The following ZNF385D variants were observed in gnomAD, a reference collection of about 807,000 sequenced individuals.
The protein encoded by ZNF385D is zinc finger protein 385D, also known as zinc finger protein 659.
ZNF385D carries 15 observed loss-of-function variants against 35.8 expected under a neutral mutation model. The ratio of observed to expected loss-of-function variants is 0.42; its 90% CI spans 0.28 to 0.64. ZNF385D has a LOEUF of 0.64. ZNF385D is among the 30% of genes least tolerant of loss of function. The pLI is 0.23. For missense variants in ZNF385D, 474 were observed against 494.6 expected, an observed-to-expected ratio of 0.96 and a Z score of 0.39; for synonymous variants, 212 against 186.8, an observed-to-expected ratio of 1.13 and a Z score of -1.10.
At chr3:22,102,909 C>CAAA (rs757822283) in intron 3 of ZNF385D, among the ~76,000 whole-genome samples, 23,913 of 142,978 alleles carry the variant, frequency 0.17, 2,592 homozygotes, top group African/African-American at 0.31. Flanking sequence ...AAAAAAAAAC[C>CAAA]AACAAGTTCT....
intron 2 of ZNF385D, among the ~76,000 whole-genome samples, chr3:22,284,736 A>T (rs1701939384): frequency 6.6e-6 from 1 of 152,110 alleles, no homozygotes; most frequent in Non-Finnish European, 1.5e-5. Context: ...TTATTCAATG[A>T]ATCATTCATT....
intron 4 of ZNF385D, among the ~76,000 whole-genome samples, chr3:21,491,984 A>T (rs1705460825): frequency 6.6e-6 from 1 of 152,100 alleles, no homozygotes; most frequent in South Asian, 2.1e-4. Context: ...GCTTTCATTA[A>T]ATTACAACAT....
intron 3 of ZNF385D, among the ~76,000 whole-genome samples, chr3:22,015,286 TA>T (rs1696815728): frequency 6.6e-6 from 1 of 152,160 alleles, no homozygotes; most frequent in Non-Finnish European, 1.5e-5. Flanking sequence ...TGATAACAGC[TA>T]AATAGATTGC....
At chr3:21,660,052 C>T (rs2066189884) in intron 2 of ZNF385D, among the ~76,000 whole-genome samples, 1 of 152,082 alleles carries the variant, frequency 6.6e-6, no homozygotes, top group Admixed American at 6.6e-5. Context: ...AAGTTTCCAG[C>T]AGTTGGTCCT....
intron 2 of ZNF385D, among the ~76,000 whole-genome samples, chr3:22,230,120 C>T (rs1455197075): frequency 3.3e-5 from 5 of 152,136 alleles, no homozygotes; most frequent in Non-Finnish European, 1.5e-5. Flanking sequence ...CCAGAGGATT[C>T]ACCACTAGGA....
chr3:21,883,864 G>T (rs542529043), intron 3 of ZNF385D, among the ~76,000 whole-genome samples: 1 of 151,912 alleles, frequency 6.6e-6, no homozygotes, highest in Non-Finnish European at 1.5e-5. Flanking sequence ...CAGAACAATC[G>T]GTCTGAGACT....
In ZNF385D at chr3:21,550,363, ACTC is replaced by A. The variant is rs1457451582; in HGVS notation, c.276+14208_276+14210del. Among the ~76,000 whole-genome samples, 8 of 152,136 alleles carry A rather than the reference ACTC, an allele frequency of 5.3e-5. 1 individual carries two copies. ...ATTTGGTTACTAGGGAGGAAAAAATACTCCTATCAACATCATCATTATATTGAC... is the reference window on the plus strand; with the variant it reads ...ATTTGGTTACTAGGGAGGAAAAAATACTATCAACATCATCATTATATTGAC... On this transcript the variant is annotated intron_variant, in intron 3 of 7. Coordinates refer to ENST00000281523, the MANE Select transcript of ZNF385D (RefSeq NM_024697.3).
Position 22,048,886 on chromosome 3 carries a change from T to C in ZNF385D, c.325+119931A>G, listed in dbSNP as rs937962427. Among the ~76,000 whole-genome samples, 11 of 152,338 alleles carry C rather than the reference T, an allele frequency of 7.2e-5. No homozygotes were observed. In the East Asian group the frequency reaches 1.9e-3, roughly 27 times the overall value. On this transcript the variant is annotated intron_variant, in intron 3 of 5. Coordinates refer to the ZNF385D transcript ENST00000494108. ...TCTTTCAATTCATGAACATGGAATA[T>C]CTTTTCATTTGTCTGTATCTTGTTG... is the stretch of plus-strand genomic sequence containing the variant.
At chr3:21,955,484 A>AAG (rs1702242174) in intron 3 of ZNF385D, among the ~76,000 whole-genome samples, 1 of 152,114 alleles carries the variant, frequency 6.6e-6, no homozygotes, top group African/African-American at 2.4e-5. Flanking sequence ...TGATTTCTTA[A>AAG]GCTTCTGATG....
intron 2 of ZNF385D, among the ~76,000 whole-genome samples, chr3:22,201,544 G>A (rs189256487): frequency 6.6e-6 from 1 of 151,888 alleles, no homozygotes; most frequent in African/African-American, 2.4e-5. Flanking sequence ...AAGAAGTTAG[G>A]TTTTCTAATA....
intron 2 of ZNF385D, among the ~76,000 whole-genome samples, chr3:21,604,672 A>AACTT (rs2064422451): frequency 6.6e-6 from 1 of 152,144 alleles, no homozygotes; most frequent in Non-Finnish European, 1.5e-5. Context: ...TGAGCAGATG[A>AACTT]ACTTAGAGAA....
intron 3 of ZNF385D, among the ~76,000 whole-genome samples, chr3:21,819,532 T>G (rs2073300054): frequency 6.6e-6 from 1 of 150,378 alleles, no homozygotes; most frequent in Non-Finnish European, 1.5e-5. Flanking sequence ...ATGTTCTAAA[T>G]AATAATAGTC....
At chr3:21,489,548 C>T (rs1705264180) in intron 4 of ZNF385D, among the ~76,000 whole-genome samples, 1 of 152,126 alleles carries the variant, frequency 6.6e-6, no homozygotes, top group Non-Finnish European at 1.5e-5. Flanking sequence ...CATTCTTTAA[C>T]TTCCCAGATG....
intron 2 of ZNF385D, among the ~76,000 whole-genome samples, chr3:22,335,087 T>A (rs1186232481): frequency 6.6e-6 from 1 of 152,156 alleles, no homozygotes; most frequent in African/African-American, 2.4e-5. Context: ...TTTCATTGAG[T>A]ATTATATTTT....
chr3:21,969,290 G>A (rs756593112), intron 3 of ZNF385D, among the ~76,000 whole-genome samples: 1 of 152,198 alleles, frequency 6.6e-6, no homozygotes, highest in East Asian at 1.9e-4. Flanking sequence ...CGTGTTAAGG[G>A]AAAGACCAGG....
At chr3:21,880,670 T>C (rs1163539796) in intron 3 of ZNF385D, among the ~76,000 whole-genome samples, 3 of 152,004 alleles carry the variant, frequency 2.0e-5, no homozygotes, top group African/African-American at 7.2e-5. Flanking sequence ...TGCACATTTC[T>C]CACGTTAAGT....
At position 21,751,096 on chromosome 3, in the gene ZNF385D, G is replaced by A. The variant is rs1193184790; in HGVS notation, c.-180C>T. 5.8e-5 allele frequency: 86 copies of A among 1,486,212 alleles called. No individual in the cohort carries two copies. The highest frequency in any genetic ancestry group is 7.4e-5 in the Non-Finnish European group (83 of 1,117,262). 92.1% of individuals were successfully genotyped at this position (1,486,212 alleles called of 1,614,324 possible). ...AGCGCCTTGCAGGCTGCCTTTCCAG[G>A]GCTAAGATCCCCGGCGGCTGGAGAG... is the stretch of plus-strand genomic sequence containing the variant. On this transcript the variant is annotated 5_prime_UTR_variant, in exon 1 of 8. Transcript: ENST00000281523.
At chr3:21,730,461 A>G (rs1032163579) in intron 1 of ZNF385D, among the ~76,000 whole-genome samples, 2 of 152,242 alleles carry the variant, frequency 1.3e-5, no homozygotes, top group Non-Finnish European at 2.9e-5. Flanking sequence ...CTGAAAAAAA[A>G]TGGTTCATAA....
At chr3:21,971,316 G>C (rs573183361) in intron 3 of ZNF385D, among the ~76,000 whole-genome samples, 12 of 152,070 alleles carry the variant, frequency 7.9e-5, no homozygotes, top group African/African-American at 2.2e-4. Flanking sequence ...TTAGAAAACA[G>C]GATGATGATG....
Sources: allele counts gnomAD v4.1 joint callset (sites outside exome capture counted in the v4.1 genomes callset), GRCh38; gene constraint gnomAD v4.1.1; transcripts MANE v1.5; gene names NCBI Gene and HGNC (gene_info 2026-07-23, HGNC 2026-07-21).